The following SGK1 variants were observed in gnomAD, a reference collection of about 807,000 sequenced individuals.
The protein encoded by SGK1 is serine/threonine-protein kinase Sgk1.
Under a neutral mutation model 64.2 loss-of-function variants are expected in SGK1, and 26 were observed. The ratio of observed to expected loss-of-function variants is 0.40; its 90% CI spans 0.30 to 0.56. The LOEUF is 0.56. Among genes scored for constraint, SGK1 ranks in the 20% least tolerant of loss-of-function variants. SGK1 has a pLI of 0.38. For missense variants in SGK1, 519 were observed against 645.6 expected (o/e 0.80, Z 2.12); for synonymous variants, 265 against 239.7 (o/e 1.11, Z -0.98).
At chr6:134,285,213 C>T (rs145023435) in intron 1 of SGK1, among the ~76,000 whole-genome samples, 134 of 152,202 alleles carry the variant, frequency 8.8e-4, no homozygotes, top group African/African-American at 3.0e-3. Flanking sequence ...AATCCCAGCA[C>T]TTTGGGAGGC....
At chr6:134,254,293 G>A (rs1009954583) in intron 2 of SGK1, among the ~76,000 whole-genome samples, 1 of 152,084 alleles carries the variant, frequency 6.6e-6, no homozygotes, top group Non-Finnish European at 1.5e-5. Context: ...ACATGGACAC[G>A]CACACACATA....
Position 134,270,687 on chromosome 6 carries a change from C to G in SGK1, c.70-8539G>C, listed in dbSNP as rs1562270577. On this transcript the variant is annotated intron_variant, in intron 1 of 13. Transcript: ENST00000367858. ...CTCTTCTAGATTCTCAGGGGCCAAC[C>G]TGTGTCTCCAGGCCTAGTCCGGAGG... is the stretch of plus-strand genomic sequence containing the variant. Among the ~76,000 whole-genome samples the G allele has an allele frequency of 2.0e-5, 3 of 148,146 alleles. 1 individual carries two copies. Among genetic ancestry groups the G allele is most frequent in the Non-Finnish European group, 4.5e-5 (3 of 66,794 alleles).
intron 1 of SGK1, among the ~76,000 whole-genome samples, chr6:134,296,347 A>G (rs1777346870): frequency 6.6e-6 from 1 of 152,126 alleles, no homozygotes; most frequent in Non-Finnish European, 1.5e-5. Flanking sequence ...ATTTTAGCTC[A>G]CTGCAGCATC....
intron 1 of SGK1, among the ~76,000 whole-genome samples, chr6:134,262,845 C>A (rs1776788549): frequency 6.6e-6 from 1 of 151,928 alleles, no homozygotes; most frequent in Admixed American, 6.6e-5. Flanking sequence ...AGTTTGAGAC[C>A]AGCCTGGGCA....
intron 3 of SGK1, among the ~76,000 whole-genome samples, chr6:134,184,600 T>G (rs982746243): frequency 1.4e-4 from 21 of 152,054 alleles, no homozygotes; most frequent in Admixed American, 1.2e-3. Context: ...ATTTCAATTA[T>G]CTGCATATTA....
At chr6:134,171,276 C>A in intron 11 of SGK1, 98 bp from the exon 12 acceptor site, 2 of 1,169,550 alleles carry the variant, frequency 1.7e-6, no homozygotes, top group Non-Finnish European at 2.5e-6. Context: ...AAATATTAGG[C>A]TCGATTTGAG....
chr6:134,188,786 G>A (rs1775461406), intron 3 of SGK1, among the ~76,000 whole-genome samples: 1 of 151,886 alleles, frequency 6.6e-6, no homozygotes, highest in East Asian at 1.9e-4. Context: ...AGGCTGGAGT[G>A]CAGTGGTGTG....
At chr6:134,178,148 C>T (rs572317844) in intron 3 of SGK1, among the ~76,000 whole-genome samples, 18 of 152,228 alleles carry the variant, frequency 1.2e-4, no homozygotes, top group African/African-American at 4.1e-4. Context: ...GAGGGTTCTA[C>T]GCGGAATAGA....
chr6:134,182,244 G>A (rs1775342916), intron 3 of SGK1, among the ~76,000 whole-genome samples: 1 of 152,010 alleles, frequency 6.6e-6, no homozygotes, highest in Admixed American at 6.6e-5. Flanking sequence ...CCTCATATAA[G>A]TTGTGAAAAA....
chr6:134,276,988 T>A (rs1262414471), intron 1 of SGK1, among the ~76,000 whole-genome samples: 1 of 152,058 alleles, frequency 6.6e-6, no homozygotes, highest in Non-Finnish European at 1.5e-5. Flanking sequence ...AGGTTGAGGC[T>A]GCAGTGAACT....
intron 1 of SGK1, among the ~76,000 whole-genome samples, chr6:134,278,377 C>A (rs1777047647): frequency 6.6e-6 from 1 of 152,312 alleles, no homozygotes; most frequent in East Asian, 1.9e-4. Flanking sequence ...ATGAAAGTCT[C>A]ATTATTAGAG....
rs775064976 is a variant in SGK1 at position 134,174,856 on chromosome 6, G to A, written c.362-270C>T. On this transcript the variant is annotated intron_variant, in intron 3 of 13. Coordinates refer to ENST00000367858, the MANE Select transcript of SGK1 (RefSeq NM_001143676.3). ...ACGTTAGCGCTCAAAGACCGGCTCG[G>A]CGTATGCTGCGCCAGGCCGCGCGCT... 2.5e-6 allele frequency: 4 copies of A among 1,612,222 alleles called. No individual in the cohort carries two copies. The Admixed American group carries it at 5.0e-5, about 20-fold the overall frequency.
At chr6:134,225,975 G>T (rs1776170051) in intron 2 of SGK1, among the ~76,000 whole-genome samples, 2 of 151,950 alleles carry the variant, frequency 1.3e-5, no homozygotes, top group Non-Finnish European at 2.9e-5. Context: ...GTGCACAGTG[G>T]CACATGCCTG....
chr6:134,193,109 G>C (rs1775541200), intron 3 of SGK1, among the ~76,000 whole-genome samples: 1 of 152,052 alleles, frequency 6.6e-6, no homozygotes, highest in Non-Finnish European at 1.5e-5. Context: ...TCTAAGTCAG[G>C]CATATAAGCT....
At chr6:134,192,975 T>C (rs778990545) in intron 3 of SGK1, among the ~76,000 whole-genome samples, 1 of 152,236 alleles carries the variant, frequency 6.6e-6, no homozygotes. Flanking sequence ...TTCCTTACTA[T>C]GTACAATTTT....
intron 1 of SGK1, 129 bp downstream of exon 1, chr6:134,317,263 C>T: frequency 6.8e-6 from 5 of 731,118 alleles, no homozygotes; most frequent in Non-Finnish European, 1.3e-5. Context: ...TCAGCTTTAC[C>T]ACTGCCATCA....
chr6:134,298,238 G>T, intron 1 of SGK1: 1 of 1,575,778 alleles, frequency 6.3e-7, no homozygotes. Flanking sequence ...TCCTGGCCCC[G>T]AGTCTCCAGC....
At chr6:134,176,935 G>A (rs1050773322) in intron 3 of SGK1, among the ~76,000 whole-genome samples, 2 of 152,360 alleles carry the variant, frequency 1.3e-5, no homozygotes, top group Admixed American at 6.5e-5. Flanking sequence ...ATTTACTGGG[G>A]CCGGGCGCAG....
intron 3 of SGK1, among the ~76,000 whole-genome samples, chr6:134,191,834 G>GTTTTTTT (rs1491153978): frequency 1.7e-4 from 3 of 17,320 alleles, no homozygotes; most frequent in East Asian, 9.6e-4. Flanking sequence ...ACGCCCGGCT[G>GTTTTTTT]ATTTTTTTTT....
Sources: gnomAD v4.1 joint callset for allele counts (sites outside exome capture counted in the v4.1 genomes callset) on GRCh38, gnomAD v4.1.1 for gene constraint, MANE v1.5 for transcripts, NCBI Gene and HGNC (gene_info 2026-07-23, HGNC 2026-07-21) for gene names.